Variants in WDR47 observed in about 807,000 individuals in gnomAD.
The protein encoded by WDR47 is WD repeat domain 47.
WDR47 carries 32 observed loss-of-function variants against 97.2 expected under a neutral mutation model. That is an observed-to-expected ratio of 0.33 (90% confidence interval 0.25 to 0.44). The LOEUF (loss-of-function observed/expected upper bound fraction) is 0.44, where lower values mean the gene tolerates loss of function less well. Among genes scored for constraint, WDR47 ranks in the 20% least tolerant of loss-of-function variants. WDR47 has a pLI of 1.00. For missense variants in WDR47, 782 were observed against 1,102.3 expected, an observed-to-expected ratio of 0.71 and a Z score of 4.11; for synonymous variants, 375 against 373.5, an observed-to-expected ratio of 1.00 and a Z score of -0.05.
At chr1:108,983,999 A>AT (rs1658566678) in intron 10 of WDR47, among the ~76,000 whole-genome samples, 1 of 152,238 alleles carries the variant, frequency 6.6e-6, no homozygotes, top group South Asian at 2.1e-4. Context: ...GATAAGGCAA[A>AT]TTTTTACAGA....
rs1047034191 is a variant in WDR47, at chr1:109,008,942, G to A, written c.1130+1974C>T. On this transcript the variant is annotated intron_variant, in intron 5 of 14. Coordinates refer to ENST00000369962, the MANE Select transcript of WDR47 (RefSeq NM_001142551.2). ...TAATTAGAAACAGAAATTCTGGGCC[G>A]GGCGCAGTGGCGCACGCCTGTAATC... Among the ~76,000 whole-genome samples, 12 of 152,088 alleles carry A rather than the reference G, an allele frequency of 7.9e-5. No homozygotes were observed. In the South Asian group the frequency reaches 8.3e-4, roughly 11 times the overall value.
intron 8 of WDR47, chr1:108,992,908 T>C (rs898634947): frequency 1.3e-4 from 118 of 893,272 alleles, no homozygotes; most frequent in Non-Finnish European, 1.7e-4. Context: ...GGTGAGGAAA[T>C]TGCTAAATAA....
intron 1 of WDR47, 41 bp from the exon 2 acceptor site, chr1:109,023,562 A>T: frequency 6.4e-7 from 1 of 1,567,400 alleles, no homozygotes. Context: ...AGTCCTATTG[A>T]TTTATTTCTA....
chr1:109,000,508 CA>C (rs71069634), intron 7 of WDR47, among the ~76,000 whole-genome samples: 44 of 70,510 alleles, frequency 6.2e-4, no homozygotes, highest in Middle Eastern at 0.014. Context: ...GACTCTGTCT[CA>C]AAAAAAAAAA....
chr1:108,976,234 C>T (rs767644645), intron 13 of WDR47, among the ~76,000 whole-genome samples: 26 of 151,760 alleles, frequency 1.7e-4, no homozygotes, highest in Non-Finnish European at 2.6e-4. Flanking sequence ...GGAACAAAAC[C>T]TGAATAAACA....
chr1:108,987,326 T>TA (rs967354711), intron 9 of WDR47: 8 of 152,332 alleles, frequency 5.3e-5, no homozygotes, highest in Admixed American at 6.6e-5. Context: ...TTTTTTTAAT[T>TA]AAAAAAAAAT....
chr1:109,002,254 T>C lies in WDR47; in HGVS notation c.1403A>G (p.Gln468Arg). ...GVNQEDGPDQ[Q>R]QNLTEQFLNR... Reference sequence around the variant, plus strand: ...AAGGAACTGTTCAGTAAGATTCTGCTGCTGATCAGGACCATCCTCCTGATT... The same window carrying C: ...AAGGAACTGTTCAGTAAGATTCTGCCGCTGATCAGGACCATCCTCCTGATT... Residue 468 changes from glutamine (Q) to arginine (R), a missense_variant, in exon 7 of 15, where the codon CAG (glutamine) becomes CGG (arginine). This residue lies in a region of WDR47 where 428 missense variants were observed against 584.3 expected (regional missense o/e 0.73). Transcript: ENST00000369962. 1 of 1,605,808 alleles carries C rather than the reference T, an allele frequency of 6.2e-7. No homozygotes were observed. The highest frequency in any genetic ancestry group is 8.5e-7 in the Non-Finnish European group (1 of 1,178,156).
At chr1:109,024,407 C>T (rs1025623947) in intron 1 of WDR47, among the ~76,000 whole-genome samples, 2 of 151,346 alleles carry the variant, frequency 1.3e-5, no homozygotes, top group African/African-American at 4.9e-5. Context: ...GAGCAAAGAT[C>T]GTGCCACTGC....
chr1:109,005,867 C>T (rs1410382568), intron 5 of WDR47, among the ~76,000 whole-genome samples: 1 of 151,428 alleles, frequency 6.6e-6, no homozygotes, highest in East Asian at 1.9e-4. Flanking sequence ...GACTCCACCT[C>T]AAAAAAATAA....
chr1:108,977,190 C>T (rs1036169252), intron 13 of WDR47, among the ~76,000 whole-genome samples: 10 of 151,958 alleles, frequency 6.6e-5, no homozygotes, highest in African/African-American at 1.9e-4. Flanking sequence ...CTCACTCTGT[C>T]GCCCAGGCTG....
rs1213644668 is a variant in WDR47 at position 109,011,349 on chromosome 1, A to G, written c.697T>C (p.Cys233Arg). 6 of 1,614,246 alleles carry G rather than the reference A, an allele frequency of 3.7e-6. No homozygotes were observed. Among genetic ancestry groups the G allele is most frequent in the East Asian group, 2.2e-5 (1 of 44,892 alleles). Reference sequence around the variant, plus strand: ...TCCAAATCATCACAACCATTACCACATAAGAGGTCGATGCCAAGAAGCACT... The same window carrying G: ...TCCAAATCATCACAACCATTACCACGTAAGAGGTCGATGCCAAGAAGCACT... The part of the protein sequence containing the change: ...SEVLLGIDLL[C>R]GNGCDDLDLS... The change falls in exon 5 of 15, where the codon TGT (cysteine) becomes CGT (arginine). Residue 233 changes from cysteine (C) to arginine (R), a missense_variant. Physicochemically the swap from Cys to Arg is radical, Grantham distance 180. This residue lies in a region of WDR47 where 428 missense variants were observed against 584.3 expected (regional missense o/e 0.73). Coordinates refer to ENST00000369962, the MANE Select transcript of WDR47 (RefSeq NM_001142551.2).
chr1:109,017,397 A>G (rs1661496103), intron 3 of WDR47, 121 bp downstream of exon 3: 1 of 796,496 alleles, frequency 1.3e-6, no homozygotes, highest in East Asian at 2.6e-5. Flanking sequence ...AGAGAGATCA[A>G]TTTGTTTACT....
chr1:109,011,428 G>A lies in WDR47; in HGVS notation c.618C>T (p.Cys206=), dbSNP rs1661030507. The part of the protein sequence containing the change: ...QLVMKGLLYE[C]CVEFCQSKAT... The stretch of plus-strand genomic sequence containing the variant: ...CTTTACTCTGACAAAATTCTACACA[G>A]CATTCATAAAGCAGGCCTTTCATTA... Residue 206 remains cysteine (C), a synonymous_variant, in exon 5 of 15, where the codon TGC becomes TGT. Coordinates refer to ENST00000369962, the MANE Select transcript of WDR47 (RefSeq NM_001142551.2). 6.2e-7 allele frequency: 1 copy of A among 1,614,160 alleles called. No individual in the cohort carries two copies. The highest frequency in any genetic ancestry group is 8.5e-7 in the Non-Finnish European group (1 of 1,180,042).
intron 1 of WDR47, among the ~76,000 whole-genome samples, chr1:109,037,006 G>C (rs891799575): frequency 4.6e-5 from 7 of 151,904 alleles, no homozygotes; most frequent in Non-Finnish European, 8.8e-5. Flanking sequence ...GCACTTCCCG[G>C]AATTTCATTT....
At chr1:108,977,279 G>C (rs1038467449) in intron 13 of WDR47, among the ~76,000 whole-genome samples, 1 of 152,092 alleles carries the variant, frequency 6.6e-6, no homozygotes, top group Non-Finnish European at 1.5e-5. Flanking sequence ...AGCCTCCCCA[G>C]TAGCTGGGAT....
At chr1:109,016,994 G>A (rs536841547) in intron 3 of WDR47, among the ~76,000 whole-genome samples, 7 of 152,206 alleles carry the variant, frequency 4.6e-5, no homozygotes, top group Admixed American at 2.6e-4. Context: ...AAAATTATAC[G>A]AATTTGAAAA....
chr1:109,014,345 G>A (rs71655978), intron 3 of WDR47, among the ~76,000 whole-genome samples: 16,145 of 151,688 alleles, frequency 0.11, 985 homozygotes, highest in African/African-American at 0.15. Flanking sequence ...TATGAGAAAA[G>A]TCTAATAAAA....
chr1:109,012,043 C>T (rs1041102895), intron 4 of WDR47, among the ~76,000 whole-genome samples: 3 of 152,114 alleles, frequency 2.0e-5, no homozygotes, highest in African/African-American at 4.8e-5. Flanking sequence ...CAGCCTTGAA[C>T]TCTTGGGCTC....
At position 108,996,352 on chromosome 1, in the gene WDR47, C is replaced by A. The variant is rs142184256; in HGVS notation, c.1434-515G>T. ...TATAGGCATGAACCACTGTGCCCAG[C>A]CAGTATCACAGACTTTTTAAAAGCA... On this transcript the variant is annotated intron_variant, in intron 7 of 14. Coordinates refer to ENST00000369962, the MANE Select transcript of WDR47 (RefSeq NM_001142551.2). 3.8e-3 allele frequency among the ~76,000 whole-genome samples: 575 copies of A among 152,280 alleles called. 3 individuals carry two copies. Among genetic ancestry groups the A allele is most frequent in the Non-Finnish European group, 6.3e-3 (428 of 68,016 alleles).
Sources: allele counts gnomAD v4.1 joint callset (sites outside exome capture counted in the v4.1 genomes callset), GRCh38; gene constraint gnomAD v4.1.1; regional missense constraint gnomAD v4.1.1; transcripts MANE v1.5; gene names NCBI Gene and HGNC (gene_info 2026-07-23, HGNC 2026-07-21).